AKAP12: variants seen among roughly 807,000 people sequenced by gnomAD.
AKAP12 encodes A-kinase anchor protein 12.
Under a neutral mutation model 79.9 loss-of-function variants are expected in AKAP12, and 32 were observed. That is an observed-to-expected ratio of 0.40 (90% confidence interval 0.30 to 0.54). The LOEUF (loss-of-function observed/expected upper bound fraction) is 0.54. AKAP12 is among the 20% of genes least tolerant of loss of function. AKAP12 has a pLI of 0.48. For missense variants in AKAP12, 2,074 were observed against 2,177.0 expected (o/e 0.95, Z 0.94); for synonymous variants, 808 against 857.0 (o/e 0.94, Z 1.00).
chr6:151,246,563 C>T (rs967597664), intron 2 of AKAP12, among the ~76,000 whole-genome samples: 1 of 152,204 alleles, frequency 6.6e-6, no homozygotes, highest in African/African-American at 2.4e-5. Context: ...TTTTCCAATA[C>T]TTGCCAATGT....
At chr6:151,307,060 C>T (rs1776991857) in intron 3 of AKAP12, among the ~76,000 whole-genome samples, 1 of 152,198 alleles carries the variant, frequency 6.6e-6, no homozygotes, top group Admixed American at 6.5e-5. Context: ...GGGATGAGAG[C>T]TGCAGGGTTC....
At chr6:151,253,381 C>T (rs571955276) in intron 2 of AKAP12, among the ~76,000 whole-genome samples, 2 of 152,104 alleles carry the variant, frequency 1.3e-5, no homozygotes, top group African/African-American at 2.4e-5. Context: ...GTCTTTTGTT[C>T]GTTTTAATTT....
chr6:151,296,051 G>A (rs1226492194), intron 2 of AKAP12, among the ~76,000 whole-genome samples: 4 of 152,180 alleles, frequency 2.6e-5, no homozygotes, highest in African/African-American at 9.7e-5. Context: ...AATTTATAAC[G>A]AGCAGTGGCT....
In AKAP12 at chr6:151,357,652, A is replaced by G. The variant is rs544572201; in HGVS notation, c.*1938A>G. The G allele has an allele frequency of 6.6e-6, 1 of 151,194 alleles. No homozygotes were observed. The highest frequency in any genetic ancestry group is 1.9e-4 in the East Asian group (1 of 5,156). The allele number at this position is 151,194 out of a possible 1,614,324, so 9.4% of individuals were successfully genotyped here. A position where few individuals can be genotyped will look rare whatever the true frequency, so the allele number is the denominator to read the frequency against. ...TTATTCTCAAATATATATAATAGCTACCCATGCATCATTATTAAAATCCCC... is the reference window on the plus strand; with the variant it reads ...TTATTCTCAAATATATATAATAGCTGCCCATGCATCATTATTAAAATCCCC... On this transcript the variant is annotated 3_prime_UTR_variant, in exon 5 of 5. Coordinates refer to ENST00000402676, the MANE Select transcript of AKAP12 (RefSeq NM_005100.4).
At chr6:151,269,359 CTTGT>C (rs1215362789) in intron 2 of AKAP12, among the ~76,000 whole-genome samples, 2 of 151,850 alleles carry the variant, frequency 1.3e-5, no homozygotes, top group Non-Finnish European at 2.9e-5. Flanking sequence ...GCATTTTAGA[CTTGT>C]TTGTCATCCT....
intron 2 of AKAP12, among the ~76,000 whole-genome samples, chr6:151,260,184 CT>C (rs2114697275): frequency 6.6e-6 from 1 of 152,296 alleles, no homozygotes; most frequent in South Asian, 2.1e-4. Flanking sequence ...TTTTTGGGCA[CT>C]TACACATGCT....
intron 2 of AKAP12, among the ~76,000 whole-genome samples, chr6:151,293,520 A>G (rs1776661454): frequency 6.6e-6 from 1 of 152,226 alleles, no homozygotes. Context: ...TAGGTGCATC[A>G]GCTCAGAGCA....
At chr6:151,344,257 G>GA (rs1479089076) in intron 3 of AKAP12, among the ~76,000 whole-genome samples, 9 of 152,254 alleles carry the variant, frequency 5.9e-5, no homozygotes, top group African/African-American at 1.9e-4. Context: ...ACTGATGGCA[G>GA]AAAAAATGAG....
At chr6:151,324,471 T>A (rs1019625181) in intron 3 of AKAP12, 3 of 985,322 alleles carry the variant, frequency 3.0e-6, no homozygotes, top group Non-Finnish European at 3.6e-6. Flanking sequence ...CTCCTGGACT[T>A]CCATTTTTCC....
chr6:151,349,505 G>A lies in AKAP12; in HGVS notation c.1114G>A (p.Ala372Thr). Reference protein sequence around the residue: ...AESAHEPRLSAEYEKVELPSE... With the variant: ...AESAHEPRLSTEYEKVELPSE... ...AAGTGCCCACGAGCCCCGGTTATCA[G>A]CTGAATATGAGAAAGTTGAGCTGCC... Residue 372 changes from alanine (A) to threonine (T), a missense_variant, in exon 4 of 5, where the codon GCT becomes ACT. Physicochemically the swap from Ala to Thr is moderately conservative, Grantham distance 58. Around this residue, in one of 3 missense-constraint regions of AKAP12, gnomAD observed 1,428 missense variants for 1,451.0 expected, o/e 0.98. Transcript: ENST00000402676. 6.2e-7 allele frequency: 1 copy of A among 1,610,068 alleles called. No homozygotes were observed. Among genetic ancestry groups the A allele is most frequent in the South Asian group, 1.1e-5 (1 of 90,932 alleles).
At position 151,350,792 on chromosome 6, in the gene AKAP12, G is replaced by A; in HGVS notation, c.2401G>A (p.Glu801Lys). The change falls in exon 4 of 5, where the codon GAA becomes AAA. Residue 801 changes from glutamate to lysine, a missense_variant. Transcript: ENST00000402676. The surrounding 1 kb of genome is among the most constrained non-coding windows in gnomAD (Gnocchi z 4.8). ...CACTCCAGACACTGAACCCGGTAAA[G>A]AAGAATCCTGGGTCTCAATCAAGAA... is the stretch of plus-strand genomic sequence containing the variant. The part of the protein sequence containing the change: ...HSTPDTEPGK[E>K]ESWVSIKKFI... 1 of 1,614,050 alleles carries A rather than the reference G, an allele frequency of 6.2e-7. No individual in the cohort carries two copies. The highest frequency in any genetic ancestry group is 8.5e-7 in the Non-Finnish European group (1 of 1,179,954).
chr6:151,243,851 T>A (rs1452100656), intron 2 of AKAP12, among the ~76,000 whole-genome samples: 3 of 152,134 alleles, frequency 2.0e-5, no homozygotes, highest in Non-Finnish European at 4.4e-5. Context: ...TGTCTGTTTT[T>A]AAAAATTTGT....
rs1562757158 is a variant in AKAP12, at chr6:151,353,699, CAAG to C, written c.5310_5312del (p.Glu1771del). 2 of 1,605,318 alleles carry C rather than the reference CAAG, an allele frequency of 1.2e-6. No homozygotes were observed. The highest frequency in any genetic ancestry group is 8.5e-7 in the Non-Finnish European group (1 of 1,176,822). The stretch of plus-strand genomic sequence containing the variant: ...CCAAGCACAGGAGGAGTTACAGAAA[CAAG>C]AGAGAGAATCTGCAAAGTCAGAACT... On this transcript the variant is annotated inframe_deletion, in exon 4 of 5. Transcript: ENST00000402676.
In AKAP12 at chr6:151,348,806, C is replaced by A. The variant is rs1290948172; in HGVS notation, c.415C>A (p.Gln139Lys). 1 of 1,613,004 alleles carries A rather than the reference C, an allele frequency of 6.2e-7. No individual in the cohort carries two copies. Among genetic ancestry groups the A allele is most frequent in the Non-Finnish European group, 8.5e-7 (1 of 1,179,924 alleles). The change falls in exon 4 of 5, where the codon CAG becomes AAG. Residue 139 changes from glutamine (Q) to lysine (K), a missense_variant. Transcript: ENST00000402676. Reference sequence around the variant, plus strand: ...TGTTCACGACATCACAGATGATGGGCAGGAGGAGACACCCGAAATAATCGA... The same window carrying A: ...TGTTCACGACATCACAGATGATGGGAAGGAGGAGACACCCGAAATAATCGA... ...AVVHDITDDG[Q>K]EETPEIIEQI...
At chr6:151,332,681 C>A (rs776626098) in intron 3 of AKAP12, among the ~76,000 whole-genome samples, 1 of 152,152 alleles carries the variant, frequency 6.6e-6, no homozygotes, top group South Asian at 2.1e-4. Flanking sequence ...CTTTTTCCTG[C>A]GCTTTGAAGT....
In AKAP12 at chr6:151,274,663, C is replaced by CATT. The variant is rs1776256769; in HGVS notation, c.163-31081_163-31079dup. On this transcript the variant is annotated intron_variant, in intron 2 of 4. Coordinates refer to ENST00000402676, the MANE Select transcript of AKAP12 (RefSeq NM_005100.4). ...AATAGAAGTTCCTATTTAACACAAC[C>CATT]ATTATCACTTTTGTGTGTTCTTAGA... Among the ~76,000 whole-genome samples the CATT allele has an allele frequency of 3.3e-5, 5 of 152,070 alleles. No homozygotes were observed. In the South Asian group the frequency reaches 1.0e-3, roughly 32 times the overall value.
At position 151,351,570 on chromosome 6, in the gene AKAP12, G is replaced by A. The variant is rs1232679039; in HGVS notation, c.3179G>A (p.Gly1060Asp). ...GAGGAATCCCAGCTGCCTGGCACCG[G>A]TGGGCCAGAAGATGTGCTTCAGCCT... ...VKEESQLPGT[G>D]GPEDVLQPVQ... Residue 1060 changes from glycine (G) to aspartate (D), a missense_variant, in exon 4 of 5, where the codon GGT becomes GAT. Transcript: ENST00000402676. This position sits in a 1 kb window ranked among gnomAD's most constrained non-coding sequence, Gnocchi z 4.4. The A allele has an allele frequency of 6.2e-7, 1 of 1,614,140 alleles. No individual in the cohort carries two copies. Among genetic ancestry groups the A allele is most frequent in the Non-Finnish European group, 8.5e-7 (1 of 1,180,048 alleles).
At position 151,349,629 on chromosome 6, in the gene AKAP12, A is replaced by G; in HGVS notation, c.1238A>G (p.Glu413Gly). Reference sequence around the variant, plus strand: ...GATGAGAAAATAGAAGTCCACCAAGAAGAGGTTGTGGCCGAAGTCCACGTC... The same window carrying G: ...GATGAGAAAATAGAAGTCCACCAAGGAGAGGTTGTGGCCGAAGTCCACGTC... ...VFDEKIEVHQ[E>G]EVVAEVHVST... is the part of the protein sequence containing the mutation. The change falls in exon 4 of 5, where the codon GAA becomes GGA. Residue 413 changes from glutamate to glycine, a missense_variant. Transcript: ENST00000402676. The G allele has an allele frequency of 6.2e-7, 1 of 1,612,942 alleles. No individual in the cohort carries two copies. Among genetic ancestry groups the G allele is most frequent in the South Asian group, 1.1e-5 (1 of 91,040 alleles).
chr6:151,281,308 C>T (rs964495789), intron 2 of AKAP12, among the ~76,000 whole-genome samples: 12 of 152,326 alleles, frequency 7.9e-5, no homozygotes, highest in Middle Eastern at 3.4e-3. Flanking sequence ...GATTTGGCCA[C>T]GTCAGTGATA....
Sources: allele counts gnomAD v4.1 joint callset (sites outside exome capture counted in the v4.1 genomes callset), GRCh38; gene constraint gnomAD v4.1.1; regional missense constraint gnomAD v4.1.1; non-coding constraint Gnocchi (gnomAD v3.1); transcripts MANE v1.5; gene names NCBI Gene and HGNC (gene_info 2026-07-23, HGNC 2026-07-21).